CDYL: variants seen among roughly 807,000 people sequenced by gnomAD.
CDYL encodes the protein chromodomain Y like, also known as chromodomain Y-like protein.
CDYL carries 8 observed loss-of-function variants against 47.3 expected under a neutral mutation model. That is an observed-to-expected ratio of 0.17 (90% CI 0.10 to 0.31). The LOEUF (loss-of-function observed/expected upper bound fraction) is 0.31. CDYL is among the 10% of genes least tolerant of loss of function. The probability of loss-of-function intolerance (pLI) is 1.00; values close to 1 mark genes in which losing one functional copy is unlikely to be tolerated. For synonymous variants in CDYL, 266 were observed against 265.0 expected (o/e 1.00, Z -0.04); for missense variants, 471 against 701.4 (o/e 0.67, Z 3.71).
At chr6:4,765,537 T>C (rs1758239093) in intron 3 of CDYL, among the ~76,000 whole-genome samples, 1 of 151,352 alleles carries the variant, frequency 6.6e-6, no homozygotes, top group African/African-American at 2.4e-5. Context: ...AGACTGAAGA[T>C]CAATGAACAA....
chr6:4,711,386 C>G (rs767278555), intron 1 of CDYL, among the ~76,000 whole-genome samples: 1 of 152,168 alleles, frequency 6.6e-6, no homozygotes, highest in Non-Finnish European at 1.5e-5. Flanking sequence ...TCACAGCCAT[C>G]TGTTTTCCTC....
chr6:4,887,445 A>G (rs182654572), intron 1 of CDYL, among the ~76,000 whole-genome samples: 16 of 152,206 alleles, frequency 1.1e-4, no homozygotes, highest in Non-Finnish European at 2.2e-4. Context: ...TGATATAACT[A>G]AGACTTTCTT....
At chr6:4,832,624 C>G (rs1200656759) in intron 1 of CDYL, among the ~76,000 whole-genome samples, 1 of 149,762 alleles carries the variant, frequency 6.7e-6, no homozygotes, top group East Asian at 2.0e-4. Context: ...TCTTTTTCTA[C>G]TGATTGGAAT....
At chr6:4,766,830 C>G (rs992886347) in intron 3 of CDYL, among the ~76,000 whole-genome samples, 5 of 151,702 alleles carry the variant, frequency 3.3e-5, no homozygotes, top group African/African-American at 1.2e-4. Flanking sequence ...CTGGTGAAAC[C>G]CTGTTCTCCA....
At chr6:4,756,594 G>C (rs1025033636) in intron 3 of CDYL, among the ~76,000 whole-genome samples, 1 of 151,872 alleles carries the variant, frequency 6.6e-6, no homozygotes, top group Non-Finnish European at 1.5e-5. Context: ...GTGTGTGTGT[G>C]TGTGTGTGTG....
At chr6:4,875,776 A>G (rs1437506953) in intron 1 of CDYL, among the ~76,000 whole-genome samples, 1 of 152,202 alleles carries the variant, frequency 6.6e-6, no homozygotes, top group African/African-American at 2.4e-5. Context: ...AACTAAGTTG[A>G]AAAGTTATTC....
chr6:4,942,358 C>T (rs767974156), intron 4 of CDYL, among the ~76,000 whole-genome samples: 3 of 152,074 alleles, frequency 2.0e-5, no homozygotes, highest in Non-Finnish European at 4.4e-5. Context: ...GTCAGTGTCT[C>T]GGGGAGTTGA....
At chr6:4,811,907 A>G (rs1759538860) in intron 1 of CDYL, among the ~76,000 whole-genome samples, 1 of 152,054 alleles carries the variant, frequency 6.6e-6, no homozygotes, top group South Asian at 2.1e-4. Flanking sequence ...CCTCTTCCCC[A>G]TTCATCAGCT....
At chr6:4,898,469 T>C (rs1762350852) in intron 2 of CDYL, among the ~76,000 whole-genome samples, 1 of 152,210 alleles carries the variant, frequency 6.6e-6, no homozygotes, top group African/African-American at 2.4e-5. Context: ...TGTGTTATCT[T>C]GCTTATTCTT....
intron 3 of CDYL, among the ~76,000 whole-genome samples, chr6:4,771,001 A>G (rs1758329953): frequency 6.6e-6 from 1 of 152,236 alleles, no homozygotes; most frequent in Admixed American, 6.5e-5. Context: ...ATATTTGTGT[A>G]TATGTATAAT....
At chr6:4,910,065 A>G (rs1213216272) in intron 2 of CDYL, among the ~76,000 whole-genome samples, 2 of 148,820 alleles carry the variant, frequency 1.3e-5, no homozygotes, top group Non-Finnish European at 3.0e-5. Flanking sequence ...TTGACCTCTT[A>G]TCCTTCTGGC....
chr6:4,810,165 A>T (rs151257251), intron 1 of CDYL, among the ~76,000 whole-genome samples: 1 of 152,090 alleles, frequency 6.6e-6, no homozygotes, highest in Non-Finnish European at 1.5e-5. Context: ...TGCCTACGGG[A>T]TAATGACATA....
chr6:4,711,074 G>A (rs530610297), intron 1 of CDYL, among the ~76,000 whole-genome samples: 33 of 152,168 alleles, frequency 2.2e-4, no homozygotes, highest in African/African-American at 7.2e-4. Flanking sequence ...TAAGACCTTC[G>A]AGTCGGCACA....
intron 2 of CDYL, among the ~76,000 whole-genome samples, chr6:4,922,736 C>T (rs958972902): frequency 6.6e-6 from 1 of 152,248 alleles, no homozygotes; most frequent in African/African-American, 2.4e-5. Flanking sequence ...GCTGCAATCT[C>T]AGTGTTCTGA....
At chr6:4,852,197 T>C (rs186129150) in intron 1 of CDYL, among the ~76,000 whole-genome samples, 46 of 152,326 alleles carry the variant, frequency 3.0e-4, no homozygotes, top group African/African-American at 1.0e-3. Context: ...GGTGTTACAA[T>C]TGGAAGATTT....
chr6:4,953,184 G>A lies in CDYL; in HGVS notation c.1477-714G>A, dbSNP rs377355060. Among the ~76,000 whole-genome samples the A allele has an allele frequency of 3.3e-3, 497 of 151,602 alleles. 2 individuals carry two copies. Among genetic ancestry groups the A allele is most frequent in the African/African-American group, 0.012 (483 of 41,444 alleles). ...AGATCACTTGAGGTCAGGAGTTGGA[G>A]ACCAGCCTGGCCAACATGGCAAAAC... On this transcript the variant is annotated intron_variant, in intron 6 of 6. Transcript: ENST00000397588.
Position 4,954,442 on chromosome 6 carries a change from T to C in CDYL, c.*386T>C, listed in dbSNP as rs1439749780. 2 of 154,032 alleles carry C rather than the reference T, an allele frequency of 1.3e-5. No homozygotes were observed. Among genetic ancestry groups the C allele is most frequent in the Non-Finnish European group, 2.9e-5 (2 of 69,032 alleles). 9.5% of individuals were successfully genotyped at this position (154,032 alleles called of 1,614,324 possible). A position where few individuals can be genotyped will look rare whatever the true frequency, so the allele number is the denominator to read the frequency against. ...TCTGGAATAATGTTTGTTTTCCTCA[T>C]TTCTTCCTTCTAGAACACAGAATCT... is the stretch of plus-strand genomic sequence containing the variant. On this transcript the variant is annotated 3_prime_UTR_variant, in exon 7 of 7. Coordinates refer to ENST00000397588, the MANE Select transcript of CDYL (RefSeq NM_004824.4).
At chr6:4,896,203 G>A (rs1387357386) in intron 2 of CDYL, among the ~76,000 whole-genome samples, 4 of 152,238 alleles carry the variant, frequency 2.6e-5, no homozygotes, top group African/African-American at 9.6e-5. Flanking sequence ...AGATTAACGA[G>A]GAGGAAGTCT....
intron 1 of CDYL, among the ~76,000 whole-genome samples, chr6:4,844,873 A>G (rs1760608149): frequency 6.6e-6 from 1 of 152,200 alleles, no homozygotes; most frequent in African/African-American, 2.4e-5. Context: ...CTAAACCTCT[A>G]TTTAGAATAC....
Sources: gnomAD v4.1 joint callset for allele counts (sites outside exome capture counted in the v4.1 genomes callset) on GRCh38, gnomAD v4.1.1 for gene constraint, MANE v1.5 for transcripts, NCBI Gene and HGNC (gene_info 2026-07-23, HGNC 2026-07-21) for gene names.